The following MYH14 variants were observed in gnomAD, a reference collection of about 807,000 sequenced individuals.
MYH14 encodes the protein myosin-14.
A neutral mutation model predicts 255.5 loss-of-function variants in MYH14; 123 were observed. The observed-to-expected ratio is 0.48, with a 90% CI of 0.42 to 0.56. The LOEUF is 0.56. Among genes scored for constraint, MYH14 ranks in the 20% least tolerant of loss-of-function variants. The pLI is 0.00. For synonymous variants in MYH14, 1,095 were observed against 1,161.2 expected, an observed-to-expected ratio of 0.94 and a Z score of 1.16; for missense variants, 2,423 against 2,802.3, an observed-to-expected ratio of 0.86 and a Z score of 3.06.
At chr19:50,222,927 T>C (rs1239160068) in intron 3 of MYH14, among the ~76,000 whole-genome samples, 156 bp from the exon 4 acceptor site, 1 of 152,116 alleles carries the variant, frequency 6.6e-6, no homozygotes, top group Non-Finnish European at 1.5e-5. Context: ...CTGAGCTGGG[T>C]GGGGAATTAG....
chr19:50,268,405 A>G (rs1246228252), intron 24 of MYH14, 38 bp downstream of exon 24: 18 of 1,541,186 alleles, frequency 1.2e-5, no homozygotes, highest in Non-Finnish European at 1.5e-5. Flanking sequence ...CACCCTCCAG[A>G]CCCCTCTGTC....
chr19:50,226,939 T>C lies in MYH14; in HGVS notation c.847T>C (p.Tyr283His). The C allele has an allele frequency of 6.2e-7, 1 of 1,613,690 alleles. No homozygotes were observed. Among genetic ancestry groups the C allele is most frequent in the Non-Finnish European group, 8.5e-7 (1 of 1,179,782 alleles). Residue 283 changes from tyrosine (Y) to histidine (H), a missense_variant, in exon 8 of 43, where the codon TAC becomes CAC. Physicochemically the swap from Tyr to His is moderately conservative, Grantham distance 83. Transcript: ENST00000642316. ...FIRINFDVAGYIVGANIETYL... is the reference protein window; with the variant it reads ...FIRINFDVAGHIVGANIETYL... Reference sequence around the variant, plus strand: ...CCGCATCAACTTTGATGTTGCCGGGTACATCGTGGGCGCCAACATTGAGAC... The same window carrying C: ...CCGCATCAACTTTGATGTTGCCGGGCACATCGTGGGCGCCAACATTGAGAC...
chr19:50,246,594 T>C (rs677639), intron 11 of MYH14, among the ~76,000 whole-genome samples: 119,754 of 151,958 alleles, frequency 0.79, 47,827 homozygotes, highest in Admixed American at 0.84. Flanking sequence ...TGCACTCCAG[T>C]CTGGGTGATA....
intron 20 of MYH14, among the ~76,000 whole-genome samples, chr19:50,261,013 A>C: frequency 2.1e-5 from 1 of 47,288 alleles, no homozygotes. Context: ...CTTCCTCATC[A>C]TCCCCTATCA....
intron 22 of MYH14, among the ~76,000 whole-genome samples, chr19:50,264,207 T>TA (rs1337578656): frequency 6.6e-6 from 1 of 151,684 alleles, no homozygotes; most frequent in Admixed American, 6.6e-5. Flanking sequence ...AGTATGATAA[T>TA]ATGCACGGAG....
chr19:50,262,699 T>C (rs1651551), intron 21 of MYH14, among the ~76,000 whole-genome samples: 113,895 of 151,574 alleles, frequency 0.75, 42,994 homozygotes, highest in East Asian at 0.84. Flanking sequence ...GGAGGCGTGT[T>C]GGGATGGGCT....
intron 27 of MYH14, among the ~76,000 whole-genome samples, chr19:50,274,352 T>C (rs1055434233): frequency 5.3e-5 from 8 of 152,324 alleles, no homozygotes; most frequent in Admixed American, 1.3e-4. Flanking sequence ...TGGAGTGCAG[T>C]GGCATGATCT....
intron 39 of MYH14, among the ~76,000 whole-genome samples, 175 bp from the exon 40 acceptor site, chr19:50,301,486 A>T (rs2036479140): frequency 1.3e-5 from 2 of 152,206 alleles, no homozygotes; most frequent in Non-Finnish European, 2.9e-5. Context: ...TGACAAGTCA[A>T]TAAACTATTA....
chr19:50,253,286 TACA>T lies in MYH14; in HGVS notation c.1945+538_1945+540del, dbSNP rs1302077937. ...GGTGAAACCCTGTCTCTACTAAAAG[TACA>T]ACAATTAGCCAGATGTCCTGGTGCA... is the stretch of plus-strand genomic sequence containing the variant. On this transcript the variant is annotated intron_variant, in intron 16 of 42. Transcript: ENST00000642316. Among the ~76,000 whole-genome samples, 6 of 152,048 alleles carry T rather than the reference TACA, an allele frequency of 3.9e-5. No homozygotes were observed. In the South Asian group the frequency reaches 1.0e-3, roughly 26 times the overall value.
chr19:50,286,791 A>G, intron 34 of MYH14, 97 bp downstream of exon 34: 1 of 1,183,542 alleles, frequency 8.4e-7, no homozygotes, highest in Non-Finnish European at 1.2e-6. Context: ...ACAACCAGCC[A>G]TCAAAGTCAT....
chr19:50,307,107 G>C lies in MYH14; in HGVS notation c.5737G>C (p.Val1913Leu), dbSNP rs996304341. The change falls in exon 41 of 43, where the codon GTG becomes CTG. Residue 1913 changes from valine to leucine, a missense_variant. Val to Leu is a conservative substitution (Grantham distance 32, BLOSUM62 1). This residue lies in a region of MYH14 where 1,513 missense variants were observed against 1,674.8 expected (regional missense o/e 0.90). Coordinates refer to ENST00000642316, the MANE Select transcript of MYH14 (RefSeq NM_001145809.2). ...AGCTGAGAAGCGGCTTAAAGAGGTG[G>C]TGCTCCAGGTGGAGGAGGAGCGGAG... ...RRAEKRLKEVVLQVEEERRVA... is the reference protein window; with the variant it reads ...RRAEKRLKEVLLQVEEERRVA... 2 of 1,550,672 alleles carry C rather than the reference G, an allele frequency of 1.3e-6. No individual in the cohort carries two copies. Among genetic ancestry groups the C allele is most frequent in the Admixed American group, 3.9e-5 (2 of 50,984 alleles).
intron 18 of MYH14, chr19:50,258,735 A>AC (rs1461331485): frequency 0.012 from 1,589 of 136,072 alleles, 35 homozygotes; most frequent in Non-Finnish European, 0.017. Flanking sequence ...AAAAAAAAAA[A>AC]AAAAAAAAAC....
intron 3 of MYH14, among the ~76,000 whole-genome samples, 167 bp from the exon 4 acceptor site, chr19:50,222,916 G>A (rs201714607): frequency 6.6e-6 from 1 of 152,208 alleles, no homozygotes; most frequent in Non-Finnish European, 1.5e-5. Flanking sequence ...CGAGCAGGGG[G>A]CTGAGCTGGG....
chr19:50,215,166 G>A (rs74523212), intron 2 of MYH14, among the ~76,000 whole-genome samples: 2,958 of 152,184 alleles, frequency 0.019, 44 homozygotes, highest in Middle Eastern at 0.034. Context: ...TCAGGTTTCC[G>A]TTCCCAGGGT....
At position 50,231,913 on chromosome 19, in the gene MYH14, A is replaced by G. The variant is rs1443953034; in HGVS notation, c.974-17A>G. 2 of 1,612,516 alleles carry G rather than the reference A, an allele frequency of 1.2e-6. No homozygotes were observed. ...ACAGCCCACCTTTGACCTTGACCCC[A>G]CTCATTGTCCCTGCAGCCGACCTCC... is the stretch of plus-strand genomic sequence containing the variant. On this transcript the variant is annotated splice_polypyrimidine_tract_variant and intron_variant, in intron 9 of 42. Transcript: ENST00000642316.
intron 18 of MYH14, chr19:50,258,813 G>A (rs189898401): frequency 1.6e-4 from 42 of 265,294 alleles, no homozygotes; most frequent in African/African-American, 8.6e-4. Context: ...CAGCTTCCCA[G>A]GAGGCCTTTT....
chr19:50,239,743 G>A lies in MYH14; in HGVS notation c.1115-4499G>A, dbSNP rs556942559. ...TTTTTGTATTTTTAGTAGAGACAAG[G>A]TTTCACTGTGTTAGCCAGGATGGTC... On this transcript the variant is annotated intron_variant, in intron 10 of 42. Transcript: ENST00000642316. 4.9e-4 allele frequency among the ~76,000 whole-genome samples: 74 copies of A among 152,124 alleles called. 1 individual carries two copies. In the South Asian group the frequency reaches 0.014, roughly 29 times the overall value.
chr19:50,227,054 G>C, intron 8 of MYH14, 88 bp downstream of exon 8: 1 of 1,084,378 alleles, frequency 9.2e-7, no homozygotes, highest in South Asian at 1.2e-5. Context: ...CCACTGCAGG[G>C]ACCCCTTACC....
chr19:50,238,678 C>G (rs942101622), intron 10 of MYH14, among the ~76,000 whole-genome samples: 1 of 152,154 alleles, frequency 6.6e-6, no homozygotes, highest in Non-Finnish European at 1.5e-5. Flanking sequence ...TCTCGAACTC[C>G]TGACCTCAAG....
Sources: allele counts gnomAD v4.1 joint callset (sites outside exome capture counted in the v4.1 genomes callset), GRCh38; gene constraint gnomAD v4.1.1; regional missense constraint gnomAD v4.1.1; transcripts MANE v1.5; gene names NCBI Gene and HGNC (gene_info 2026-07-23, HGNC 2026-07-21).